The following PDZD2 variants were observed in gnomAD, a reference collection of about 807,000 sequenced individuals.
PDZD2 encodes the protein PDZ domain-containing protein 2.
Under a neutral mutation model 220.7 loss-of-function variants are expected in PDZD2, and 90 were observed. The observed-to-expected ratio is 0.41, with a 90% CI of 0.34 to 0.49. The LOEUF is 0.49. Ranked by LOEUF, PDZD2 falls within the 20% of genes least tolerant of loss-of-function variation. The probability of loss-of-function intolerance (pLI) is 0.28; values close to 1 mark genes in which losing one functional copy is unlikely to be tolerated. For synonymous variants in PDZD2, 1,375 were observed against 1,450.5 expected (o/e 0.95, Z 1.18); for missense variants, 3,174 against 3,608.5 (o/e 0.88, Z 3.08).
intron 2 of PDZD2, among the ~76,000 whole-genome samples, chr5:31,827,880 A>G (rs567752401): frequency 6.6e-6 from 1 of 152,224 alleles, no homozygotes; most frequent in Non-Finnish European, 1.5e-5. Context: ...TACCTATTAC[A>G]GGGATTCTCC....
intron 2 of PDZD2, among the ~76,000 whole-genome samples, chr5:31,810,439 T>C (rs919842438): frequency 6.6e-6 from 1 of 152,244 alleles, no homozygotes; most frequent in East Asian, 1.9e-4. Flanking sequence ...AATTTTTGTA[T>C]ATTTTTTAGT....
rs1744874037 is a variant in PDZD2 at position 31,639,799 on chromosome 5, G to A, written c.-361+362G>A. Among the ~76,000 whole-genome samples, 1 of 152,212 alleles carries A rather than the reference G, an allele frequency of 6.6e-6. No individual in the cohort carries two copies. The highest frequency in any genetic ancestry group is 2.4e-5 in the African/African-American group (1 of 41,466). ...GGTCCCCATCCCTGGGCCGTCTTCT[G>A]GTCCCTTCCTCCGACAGGAGTGGAG... is the stretch of plus-strand genomic sequence containing the variant. On this transcript the variant is annotated intron_variant, in intron 1 of 24. Transcript: ENST00000438447. The surrounding 1 kb of genome is among the most constrained non-coding windows in gnomAD (Gnocchi z 4.1).
chr5:31,650,061 A>G (rs1745293557), intron 1 of PDZD2, among the ~76,000 whole-genome samples: 1 of 152,100 alleles, frequency 6.6e-6, no homozygotes, highest in South Asian at 2.1e-4. Context: ...CAGGCCAACT[A>G]GAGAAATAGT....
intron 12 of PDZD2, among the ~76,000 whole-genome samples, chr5:32,058,674 C>CAATAAAAA (rs1739371882): frequency 1.1e-5 from 1 of 92,256 alleles, no homozygotes; most frequent in African/African-American, 3.7e-5. Context: ...AACTCCGTCT[C>CAATAAAAA]AAAAAAAAAA....
At chr5:31,862,483 T>C (rs1737809987) in intron 2 of PDZD2, among the ~76,000 whole-genome samples, 1 of 152,078 alleles carries the variant, frequency 6.6e-6, no homozygotes, top group Non-Finnish European at 1.5e-5. Flanking sequence ...TCCCCAGGAC[T>C]GGACATTTAA....
chr5:31,746,693 G>A (rs28440952), intron 1 of PDZD2, among the ~76,000 whole-genome samples: 2,778 of 152,100 alleles, frequency 0.018, 85 homozygotes, highest in African/African-American at 0.063. Context: ...TCCTCACCCC[G>A]AGTTTCAGAG....
intron 1 of PDZD2, among the ~76,000 whole-genome samples, chr5:31,764,056 T>TG (rs1465629784): frequency 1.3e-5 from 2 of 152,172 alleles, no homozygotes; most frequent in Non-Finnish European, 2.9e-5. Flanking sequence ...AGAGGGCACC[T>TG]GCTGCCCGTC....
At chr5:31,951,781 ACTTT>A (rs888363586) in intron 2 of PDZD2, among the ~76,000 whole-genome samples, 8 of 152,184 alleles carry the variant, frequency 5.3e-5, no homozygotes, top group Non-Finnish European at 1.0e-4. Context: ...GGACAAAGAA[ACTTT>A]TGCTCTTGTA....
At chr5:31,964,475 T>A (rs1748533915) in intron 2 of PDZD2, among the ~76,000 whole-genome samples, 1 of 152,222 alleles carries the variant, frequency 6.6e-6, no homozygotes, top group African/African-American at 2.4e-5. Flanking sequence ...AGAGTCCTAA[T>A]CGGAAGGGGC....
chr5:31,653,848 G>A (rs1180802480), intron 1 of PDZD2, among the ~76,000 whole-genome samples: 2 of 152,044 alleles, frequency 1.3e-5, no homozygotes, highest in Non-Finnish European at 2.9e-5. Context: ...GCAGTGGCGC[G>A]ATCTCAGCTC....
At chr5:31,991,189 C>T (rs1336337485) in intron 3 of PDZD2, among the ~76,000 whole-genome samples, 3 of 152,190 alleles carry the variant, frequency 2.0e-5, no homozygotes, top group Non-Finnish European at 4.4e-5. Context: ...GAGTGCATCA[C>T]AGCCTATGTT....
intron 2 of PDZD2, among the ~76,000 whole-genome samples, chr5:31,898,996 T>C (rs1005152923): frequency 2.0e-4 from 30 of 151,694 alleles, no homozygotes; most frequent in Admixed American, 1.8e-3. Flanking sequence ...CCCAGCTATT[T>C]TTTTTGTATT....
chr5:31,639,335 CG>C lies in PDZD2; in HGVS notation c.-461del, dbSNP rs894502520. 4.7e-5 allele frequency: 7 copies of C among 149,970 alleles called. No individual in the cohort carries two copies. The highest frequency in any genetic ancestry group is 7.4e-5 in the Non-Finnish European group (5 of 67,212). The allele number at this position is 149,970 out of a possible 1,614,324, so 9.3% of individuals were successfully genotyped here. On this transcript the variant is annotated 5_prime_UTR_variant, in exon 1 of 25. Transcript: ENST00000438447. This position sits in a 1 kb window ranked among gnomAD's most constrained non-coding sequence, Gnocchi z 4.1. Reference sequence around the variant, plus strand: ...CTCGGGGCAGGCGCGGCGGCGGCACCGGTGGTGGCCGCGGTGGCGGCAGCTG... The same window carrying C: ...CTCGGGGCAGGCGCGGCGGCGGCACCGTGGTGGCCGCGGTGGCGGCAGCTG...
At position 32,108,579 on chromosome 5, in the gene PDZD2, T is replaced by G. The variant is rs932605594; in HGVS notation, c.*444T>G. The G allele has an allele frequency of 1.0e-5, 1 of 97,102 alleles. No individual in the cohort carries two copies. Among genetic ancestry groups the G allele is most frequent in the African/African-American group, 3.4e-5 (1 of 29,252 alleles). 6.0% of individuals were successfully genotyped at this position (97,102 alleles called of 1,614,324 possible). On this transcript the variant is annotated 3_prime_UTR_variant, in exon 25 of 25. Transcript: ENST00000438447. ...GAGGACAATCAATCATTTTGTATGA[T>G]TTTGTAAGTAAATGACAGAATGCTT...
intron 1 of PDZD2, among the ~76,000 whole-genome samples, chr5:31,679,111 G>C (rs1746557445): frequency 1.3e-5 from 2 of 152,166 alleles, no homozygotes; most frequent in Admixed American, 1.3e-4. Context: ...CCCCTCCACT[G>C]AACTGACCAA....
intron 6 of PDZD2, among the ~76,000 whole-genome samples, chr5:32,016,651 C>T (rs961192849): frequency 1.3e-5 from 2 of 152,190 alleles, no homozygotes; most frequent in Non-Finnish European, 2.9e-5. Flanking sequence ...CACAGTCTCT[C>T]TGAGCCCAGG....
At chr5:31,712,480 CT>C (rs1748184162) in intron 1 of PDZD2, among the ~76,000 whole-genome samples, 1 of 61,478 alleles carries the variant, frequency 1.6e-5, no homozygotes, top group African/African-American at 4.3e-5. Context: ...CTCTCTCTCT[CT>C]CCCCCTCTCT....
In PDZD2 at chr5:32,108,075, G is replaced by T; in HGVS notation, c.8460G>T (p.Met2820Ile). 3 of 1,611,546 alleles carry T rather than the reference G, an allele frequency of 1.9e-6. No individual in the cohort carries two copies. The highest frequency in any genetic ancestry group is 2.5e-6 in the Non-Finnish European group (3 of 1,177,718). The change falls in exon 25 of 25, where the codon ATG (methionine) becomes ATT (isoleucine). Residue 2820 changes from methionine to isoleucine, a missense_variant. Physicochemically the swap from Met to Ile is conservative, Grantham distance 10. Coordinates refer to ENST00000438447, the MANE Select transcript of PDZD2 (RefSeq NM_178140.4). ...TGCACTTTGATGCCTGGAATATTAT[G>T]AAGTCTGTCCCAGAAGGACCTGTGC... is the stretch of plus-strand genomic sequence containing the variant. ...GLMHFDAWNI[M>I]KSVPEGPVQL...
intron 2 of PDZD2, among the ~76,000 whole-genome samples, chr5:31,969,853 C>G (rs1348102100): frequency 6.6e-6 from 1 of 152,000 alleles, no homozygotes; most frequent in African/African-American, 2.4e-5. Context: ...GTGGTGCCGC[C>G]ACTGTGCTGG....
Sources: gnomAD v4.1 joint callset for allele counts (sites outside exome capture counted in the v4.1 genomes callset) on GRCh38, gnomAD v4.1.1 for gene constraint, Gnocchi (gnomAD v3.1) non-coding constraint, MANE v1.5 for transcripts, NCBI Gene and HGNC (gene_info 2026-07-23, HGNC 2026-07-21) for gene names.